The following MSH3 variants were observed in gnomAD, a reference collection of about 807,000 sequenced individuals.
MSH3 encodes DNA mismatch repair protein Msh3.
In MSH3, 106 loss-of-function variants were observed where a neutral mutation model predicts 123.3. That is an observed-to-expected ratio of 0.86 (90% CI 0.73 to 1.01). The LOEUF (loss-of-function observed/expected upper bound fraction) is 1.01. MSH3 is among the 50% of genes least tolerant of loss of function. The probability of loss-of-function intolerance (pLI) is 0.00; values close to 1 mark genes in which losing one functional copy is unlikely to be tolerated. For missense variants in MSH3, 1,459 were observed against 1,347.6 expected (o/e 1.08, Z -1.29); for synonymous variants, 515 against 481.4 (o/e 1.07, Z -0.91).
intron 8 of MSH3, among the ~76,000 whole-genome samples, chr5:80,685,391 C>G (rs1750065729): frequency 6.6e-6 from 1 of 151,606 alleles, no homozygotes; most frequent in Non-Finnish European, 1.5e-5. Context: ...GTGGTTCAAT[C>G]TTGGTGGATT....
chr5:80,738,218 G>A (rs1441929388), intron 10 of MSH3, among the ~76,000 whole-genome samples: 2 of 152,048 alleles, frequency 1.3e-5, no homozygotes, highest in East Asian at 1.9e-4. Flanking sequence ...GATGAAGGCT[G>A]TAAGCCTTCT....
intron 12 of MSH3, 24 bp downstream of exon 12, chr5:80,744,639 G>T: frequency 6.5e-7 from 1 of 1,528,810 alleles, no homozygotes. Flanking sequence ...TTTTTGGGGT[G>T]TTTAATCTGA....
intron 20 of MSH3, among the ~76,000 whole-genome samples, chr5:80,815,988 A>G (rs1385010646): frequency 6.6e-6 from 1 of 152,232 alleles, no homozygotes; most frequent in Non-Finnish European, 1.5e-5. Context: ...TGCACCTTAT[A>G]TAGAGTACTT....
chr5:80,873,328 C>T (rs1342608343), intron 23 of MSH3, 41 bp downstream of exon 23: 1 of 1,598,618 alleles, frequency 6.3e-7, no homozygotes, highest in Non-Finnish European at 8.6e-7. Context: ...TGTAATGAAA[C>T]CTTCTAAGTT....
At position 80,724,376 on chromosome 5, in the gene MSH3, G is replaced by A. The variant is rs918160550; in HGVS notation, c.1341-1077G>A. The stretch of plus-strand genomic sequence containing the variant: ...AAAATCATCTCAGTTTTATAATGTA[G>A]TAATATATAATGAGCATATATTATA... On this transcript the variant is annotated intron_variant, in intron 8 of 23. Coordinates refer to ENST00000265081, the MANE Select transcript of MSH3 (RefSeq NM_002439.5). Among the ~76,000 whole-genome samples the A allele has an allele frequency of 4.6e-5, 7 of 151,178 alleles. No individual in the cohort carries two copies. The South Asian group carries it at 6.2e-4, about 13-fold the overall frequency.
chr5:80,823,989 G>A (rs1215362958), intron 20 of MSH3, among the ~76,000 whole-genome samples: 1 of 152,160 alleles, frequency 6.6e-6, no homozygotes, highest in Non-Finnish European at 1.5e-5. Context: ...CACAGCACAT[G>A]TTTCAGAGAG....
intron 10 of MSH3, among the ~76,000 whole-genome samples, chr5:80,734,283 C>T (rs898355308): frequency 6.6e-6 from 1 of 152,086 alleles, no homozygotes; most frequent in African/African-American, 2.4e-5. Flanking sequence ...TAGTGGTTGC[C>T]TAGGGCTCTT....
chr5:80,841,053 C>T (rs1580083030), intron 20 of MSH3, among the ~76,000 whole-genome samples: 1 of 151,562 alleles, frequency 6.6e-6, no homozygotes, highest in Admixed American at 6.6e-5. Flanking sequence ...TATCCCTCCC[C>T]ACTCCCCCCA....
intron 8 of MSH3, among the ~76,000 whole-genome samples, chr5:80,693,600 CATACAT>C (rs1184558223): frequency 6.8e-5 from 3 of 44,152 alleles, no homozygotes; most frequent in East Asian, 1.4e-3. Flanking sequence ...TATATATAAA[CATACAT>C]ATATACACAC....
intron 20 of MSH3, among the ~76,000 whole-genome samples, chr5:80,821,111 T>C (rs893375959): frequency 6.6e-6 from 1 of 152,224 alleles, no homozygotes; most frequent in Non-Finnish European, 1.5e-5. Context: ...ACCTGACATA[T>C]AGTAGTTCCT....
At chr5:80,872,935 A>C (rs1746246070) in intron 22 of MSH3, among the ~76,000 whole-genome samples, 181 bp from the exon 23 acceptor site, 1 of 152,264 alleles carries the variant, frequency 6.6e-6, no homozygotes, top group Non-Finnish European at 1.5e-5. Context: ...CAGCAGTTTC[A>C]AAACAGTATT....
intron 23 of MSH3, among the ~76,000 whole-genome samples, chr5:80,875,334 C>A (rs975336086): frequency 6.6e-6 from 1 of 152,028 alleles, no homozygotes; most frequent in Non-Finnish European, 1.5e-5. Context: ...AAAAGTAAGT[C>A]TGTGTTATGC....
At chr5:80,728,725 C>T (rs1743346812) in intron 9 of MSH3, 126 bp from the exon 10 acceptor site, 1 of 605,742 alleles carries the variant, frequency 1.7e-6, no homozygotes. Context: ...ATTTTGGTAA[C>T]CATTAAGTTT....
At chr5:80,693,183 TTATA>T (rs1488797935) in intron 8 of MSH3, among the ~76,000 whole-genome samples, 2 of 66,570 alleles carry the variant, frequency 3.0e-5, no homozygotes, top group African/African-American at 1.4e-4. Context: ...ATGTATATGT[TTATA>T]TAGATAAATA....
chr5:80,712,695 T>C (rs1750882906), intron 8 of MSH3, among the ~76,000 whole-genome samples: 1 of 152,168 alleles, frequency 6.6e-6, no homozygotes. Flanking sequence ...TAGTTTATAC[T>C]ATTTTGTGTT....
chr5:80,866,009 A>C (rs1018514122), intron 22 of MSH3, among the ~76,000 whole-genome samples: 2 of 152,242 alleles, frequency 1.3e-5, no homozygotes, highest in African/African-American at 4.8e-5. Flanking sequence ...CCTTGGGACA[A>C]AGAGAATAGA....
At chr5:80,724,924 A>G (rs1337663181) in intron 8 of MSH3, among the ~76,000 whole-genome samples, 1 of 152,164 alleles carries the variant, frequency 6.6e-6, no homozygotes, top group African/African-American at 2.4e-5. Flanking sequence ...CAGTTAATAA[A>G]AAGTACTTGG....
At chr5:80,746,416 G>C in intron 12 of MSH3, 1 of 437,828 alleles carries the variant, frequency 2.3e-6, no homozygotes, top group Admixed American at 2.7e-5. Context: ...GATATTGGAA[G>C]TCTTGCGAAT....
chr5:80,670,276 A>G lies in MSH3; in HGVS notation c.759A>G (p.Gly253=), dbSNP rs1561436303. 1 of 1,614,146 alleles carries G rather than the reference A, an allele frequency of 6.2e-7. No homozygotes were observed. Among genetic ancestry groups the G allele is most frequent in the Non-Finnish European group, 8.5e-7 (1 of 1,180,006 alleles). ...HKDAVLCVEC[G]YKYRFFGEDA... ...ATGCAGTTTTGTGTGTGGAATGTGG[A>G]TATAAGTATAGATTCTTTGGGGAAG... is the stretch of plus-strand genomic sequence containing the variant. Residue 253 remains glycine, a synonymous_variant, in exon 4 of 24, where the codon GGA becomes GGG. Coordinates refer to ENST00000265081, the MANE Select transcript of MSH3 (RefSeq NM_002439.5).
Sources: allele counts gnomAD v4.1 joint callset (sites outside exome capture counted in the v4.1 genomes callset), GRCh38; gene constraint gnomAD v4.1.1; transcripts MANE v1.5; gene names NCBI Gene and HGNC (gene_info 2026-07-23, HGNC 2026-07-21).